The following SMAD5 variants were observed in gnomAD, a reference collection of about 807,000 sequenced individuals.
SMAD5 encodes the protein SMAD family member 5.
In SMAD5, 9 loss-of-function variants were observed where a neutral mutation model predicts 43.1. The ratio of observed to expected loss-of-function variants is 0.21; its 90% CI spans 0.13 to 0.36. SMAD5 has a LOEUF of 0.36. Among genes scored for constraint, SMAD5 ranks in the 10% least tolerant of loss-of-function variants. The pLI, the probability that SMAD5 is intolerant of heterozygous loss-of-function variation, is 1.00. For synonymous variants in SMAD5, 190 were observed against 192.4 expected (o/e 0.99, Z 0.10); for missense variants, 348 against 574.0 (o/e 0.61, Z 4.02).
intron 5 of SMAD5, among the ~76,000 whole-genome samples, chr5:136,170,338 GA>G (rs1036155195): frequency 6.6e-6 from 1 of 152,040 alleles, no homozygotes; most frequent in African/African-American, 2.4e-5. Context: ...TTTTTGAAAA[GA>G]TTTTTTTTTC....
intron 3 of SMAD5, among the ~76,000 whole-genome samples, chr5:136,158,679 C>T (rs1005229185): frequency 3.3e-5 from 5 of 152,134 alleles, no homozygotes; most frequent in Admixed American, 2.0e-4. Context: ...GTGGGCAGAT[C>T]ACGAGGTCAG....
chr5:136,153,442 G>T (rs1753533204), intron 2 of SMAD5, 150 bp from the exon 3 acceptor site: 1 of 203,818 alleles, frequency 4.9e-6, no homozygotes, highest in East Asian at 1.4e-4. Flanking sequence ...AGTGGTCACA[G>T]AACTTTTGGA....
intron 1 of SMAD5, among the ~76,000 whole-genome samples, chr5:136,141,500 C>T (rs1488492434): frequency 6.6e-6 from 1 of 152,172 alleles, no homozygotes; most frequent in East Asian, 1.9e-4. Flanking sequence ...GTCCCGTTTG[C>T]ATTTTTGCTA....
chr5:136,162,449 G>A (rs1753853494), intron 4 of SMAD5, among the ~76,000 whole-genome samples: 1 of 152,148 alleles, frequency 6.6e-6, no homozygotes, highest in South Asian at 2.1e-4. Flanking sequence ...ATATCAATTG[G>A]TATAGTTTTT....
At position 136,160,985 on chromosome 5, in the gene SMAD5, A is replaced by G; in HGVS notation, c.533A>G (p.His178Arg). ...PQNATFPDSF[H>R]QPNNTPFPLS... ...AATGCCACGTTTCCAGATTCTTTCC[A>G]CCAGCCCAACAACACTCCTTTTCCC... is the stretch of plus-strand genomic sequence containing the variant. Residue 178 changes from histidine to arginine, a missense_variant, in exon 4 of 8, where the codon CAC (histidine) becomes CGC (arginine). His to Arg is a conservative substitution (Grantham distance 29, BLOSUM62 0). Transcript: ENST00000545279. 6.2e-7 allele frequency: 1 copy of G among 1,613,820 alleles called. No individual in the cohort carries two copies. The highest frequency in any genetic ancestry group is 1.1e-5 in the South Asian group (1 of 91,076).
chr5:136,167,886 G>A (rs563557093), intron 5 of SMAD5, among the ~76,000 whole-genome samples: 14 of 143,736 alleles, frequency 9.7e-5, no homozygotes, highest in Middle Eastern at 7.3e-3. Flanking sequence ...CTTTTTTTTT[G>A]AGACGGAATC....
At chr5:136,165,662 ATTTTTTTTTTT>A (rs58156387) in intron 5 of SMAD5, among the ~76,000 whole-genome samples, 17,426 of 64,856 alleles carry the variant, frequency 0.27, 2,384 homozygotes, top group Middle Eastern at 0.36. Flanking sequence ...GAATCATACA[ATTTTTTTTTTT>A]TTTTTTTTTT....
At chr5:136,154,508 T>C (rs1392621782) in intron 3 of SMAD5, among the ~76,000 whole-genome samples, 1 of 152,172 alleles carries the variant, frequency 6.6e-6, no homozygotes, top group Admixed American at 6.5e-5. Context: ...GTTCCTACAG[T>C]TATCATCCTT....
At chr5:136,159,785 A>G (rs1753766944) in intron 3 of SMAD5, among the ~76,000 whole-genome samples, 1 of 152,272 alleles carries the variant, frequency 6.6e-6, no homozygotes, top group Non-Finnish European at 1.5e-5. Context: ...GAAATGAAAC[A>G]ATAGACAAAA....
At chr5:136,159,724 C>T (rs1753765610) in intron 3 of SMAD5, among the ~76,000 whole-genome samples, 1 of 152,144 alleles carries the variant, frequency 6.6e-6, no homozygotes, top group African/African-American at 2.4e-5. Context: ...TAGAACAAAA[C>T]GATTGTAGTC....
chr5:136,172,743 A>G (rs1404083412), intron 6 of SMAD5, 88 bp downstream of exon 6: 5 of 911,840 alleles, frequency 5.5e-6, no homozygotes, highest in Non-Finnish European at 8.9e-6. Context: ...TGCTAGAAAC[A>G]TACAAAGAAG....
At chr5:136,135,534 G>A (rs1198162464) in intron 1 of SMAD5, among the ~76,000 whole-genome samples, 2 of 152,180 alleles carry the variant, frequency 1.3e-5, no homozygotes, top group Non-Finnish European at 2.9e-5. Context: ...AAACTAGGCA[G>A]TAAAATACCA....
At chr5:136,149,055 G>A (rs1753360703) in intron 2 of SMAD5, among the ~76,000 whole-genome samples, 2 of 151,622 alleles carry the variant, frequency 1.3e-5, no homozygotes, top group African/African-American at 4.8e-5. Context: ...GTGCTCTTCT[G>A]GCCTTGATGG....
rs533130630 is a variant in SMAD5 at position 136,177,101 on chromosome 5, G to A, written c.1255-236G>A. Among the ~76,000 whole-genome samples, 16 of 152,144 alleles carry A rather than the reference G, an allele frequency of 1.1e-4. No individual in the cohort carries two copies. The South Asian group carries it at 3.3e-3, about 32-fold the overall frequency. On this transcript the variant is annotated intron_variant, in intron 7 of 7. Coordinates refer to ENST00000545279, the MANE Select transcript of SMAD5 (RefSeq NM_005903.7). The stretch of plus-strand genomic sequence containing the variant: ...AATTATGAACTATAACTGGCTCTAA[G>A]GGTTTCTTTTAAGGGAATTATATAT...
chr5:136,134,013 A>G (rs985379056), intron 1 of SMAD5: 3 of 108,428 alleles, frequency 2.8e-5, no homozygotes, highest in African/African-American at 1.1e-4. Flanking sequence ...TGTAAAGACA[A>G]TGTTTCCTGA....
intron 5 of SMAD5, among the ~76,000 whole-genome samples, chr5:136,165,304 T>C (rs1265579357): frequency 6.6e-6 from 1 of 152,022 alleles, no homozygotes; most frequent in Non-Finnish European, 1.5e-5. Flanking sequence ...TGCATCACCA[T>C]GCTTGGCCAA....
intron 5 of SMAD5, among the ~76,000 whole-genome samples, chr5:136,167,245 C>T (rs1231264142): frequency 6.6e-6 from 1 of 151,916 alleles, no homozygotes; most frequent in Non-Finnish European, 1.5e-5. Context: ...CTTCATGCAA[C>T]TCATTTGTAC....
intron 1 of SMAD5, among the ~76,000 whole-genome samples, chr5:136,140,796 A>G (rs962043765): frequency 8.6e-5 from 13 of 151,478 alleles, no homozygotes; most frequent in African/African-American, 3.2e-4. Context: ...CTGCTGGAAT[A>G]TAAGCTAAAT....
chr5:136,137,391 A>G (rs1229643600), intron 1 of SMAD5, among the ~76,000 whole-genome samples: 3 of 151,650 alleles, frequency 2.0e-5, no homozygotes, highest in African/African-American at 4.9e-5. Context: ...ATATCCATAT[A>G]TGTTGTTTTG....
Sources: allele counts gnomAD v4.1 joint callset (sites outside exome capture counted in the v4.1 genomes callset), GRCh38; gene constraint gnomAD v4.1.1; transcripts MANE v1.5; gene names NCBI Gene and HGNC (gene_info 2026-07-23, HGNC 2026-07-21).